Variants in AGAP1 observed in about 807,000 individuals in gnomAD.
AGAP1 encodes ArfGAP with GTPase domain, ankyrin repeat and PH domain 1.
AGAP1 carries 29 observed loss-of-function variants against 105.3 expected under a neutral mutation model. The observed-to-expected ratio is 0.28, with a 90% CI of 0.21 to 0.38. The LOEUF is 0.38. AGAP1 is among the 10% of genes least tolerant of loss of function. AGAP1 has a pLI of 1.00. For missense variants in AGAP1, 998 were observed against 1,165.1 expected, an observed-to-expected ratio of 0.86 and a Z score of 2.09; for synonymous variants, 509 against 485.9, an observed-to-expected ratio of 1.05 and a Z score of -0.63.
rs1004464060 is a variant in AGAP1 at position 235,842,279 on chromosome 2, C to T, written c.1050+34948C>T. 5.9e-5 allele frequency among the ~76,000 whole-genome samples: 9 copies of T among 152,192 alleles called. No homozygotes were observed. The highest frequency in any genetic ancestry group is 1.9e-4 in the African/African-American group (8 of 41,436). ...AATTCATTCGTATTTCCACTGACTT[C>T]GACTGAAAGTTAACGTTTCCTTCAG... On this transcript the variant is annotated intron_variant, in intron 9 of 17. Coordinates refer to ENST00000304032, the MANE Select transcript of AGAP1 (RefSeq NM_001037131.3). The surrounding 1 kb of genome is among the most constrained non-coding windows in gnomAD (Gnocchi z 5.3).
chr2:235,692,564 C>T lies in AGAP1; in HGVS notation c.164-16615C>T, dbSNP rs1306806140. On this transcript the variant is annotated intron_variant, in intron 1 of 17. Coordinates refer to ENST00000304032, the MANE Select transcript of AGAP1 (RefSeq NM_001037131.3). This position sits in a 1 kb window ranked among gnomAD's most constrained non-coding sequence, Gnocchi z 5.8. ...CGCCCTGCTGCCCCTATGCTCTCCC[C>T]CCTTGCCCTCCCCCCTTGCCTTCCT... Among the ~76,000 whole-genome samples, 1 of 150,394 alleles carries T rather than the reference C, an allele frequency of 6.6e-6. No individual in the cohort carries two copies. Among genetic ancestry groups the T allele is most frequent in the Non-Finnish European group, 1.5e-5 (1 of 67,974 alleles).
Position 236,049,286 on chromosome 2 carries a change from G to A in AGAP1, c.2114+5G>A. 6.2e-7 allele frequency: 1 copy of A among 1,606,086 alleles called. No individual in the cohort carries two copies. ...ACCATCGGTAGACTCCACAAGGTAG[G>A]AACTTTGGAAGATGCCTGGCTCCCG... On this transcript the variant is annotated splice_donor_5th_base_variant and intron_variant, in intron 16 of 17. Coordinates refer to ENST00000304032, the MANE Select transcript of AGAP1 (RefSeq NM_001037131.3).
chr2:235,779,108 A>T (rs1301568190), intron 6 of AGAP1, among the ~76,000 whole-genome samples: 2 of 152,000 alleles, frequency 1.3e-5, no homozygotes, highest in Non-Finnish European at 2.9e-5. Context: ...GGCGCTCCCC[A>T]CCCCTGTTAG....
At chr2:235,585,006 C>T (rs981979420) in intron 1 of AGAP1, among the ~76,000 whole-genome samples, 3 of 151,242 alleles carry the variant, frequency 2.0e-5, no homozygotes, top group Non-Finnish European at 2.9e-5. Flanking sequence ...CTGCTGCCCC[C>T]GGCTTCTTGA....
rs1249281005 is a variant in AGAP1, at chr2:235,843,257, C to T, written c.1050+35926C>T. On this transcript the variant is annotated intron_variant, in intron 9 of 17. Coordinates refer to ENST00000304032, the MANE Select transcript of AGAP1 (RefSeq NM_001037131.3). The surrounding 1 kb of genome is among the most constrained non-coding windows in gnomAD (Gnocchi z 5.9). ...TTCGGGAGGACCTGAGCTTCGGCTGCGGCCTTCCAGCCCCCTGGGTCTCAC... is the reference window on the plus strand; with the variant it reads ...TTCGGGAGGACCTGAGCTTCGGCTGTGGCCTTCCAGCCCCCTGGGTCTCAC... Among the ~76,000 whole-genome samples the T allele has an allele frequency of 6.6e-6, 1 of 152,126 alleles. No individual in the cohort carries two copies. Among genetic ancestry groups the T allele is most frequent in the Admixed American group, 6.5e-5 (1 of 15,278 alleles).
At position 235,494,069 on chromosome 2, in the gene AGAP1, C is replaced by A; in HGVS notation, c.-618C>A. 6.8e-6 allele frequency: 1 copy of A among 146,206 alleles called. No homozygotes were observed. The highest frequency in any genetic ancestry group is 1.8e-4 in the South Asian group (1 of 5,596). The allele number at this position is 146,206 out of a possible 1,614,324, so 9.1% of individuals were successfully genotyped here. The stretch of plus-strand genomic sequence containing the variant: ...GAGCCCTGCGTGCCAGGGAGGGGGC[C>A]GGCCGGGCAGGCGGCGGGCGGCGCT... On this transcript the variant is annotated 5_prime_UTR_variant, in exon 1 of 18. Transcript: ENST00000304032.
intron 1 of AGAP1, among the ~76,000 whole-genome samples, chr2:235,541,168 A>G (rs1413444966): frequency 6.6e-6 from 1 of 152,162 alleles, no homozygotes; most frequent in African/African-American, 2.4e-5. Context: ...TCATCAGTAC[A>G]CATAGATTTG....
rs1162568983 is a variant in AGAP1, at chr2:235,622,050, C to T, written c.164-87129C>T. Among the ~76,000 whole-genome samples the T allele has an allele frequency of 1.3e-5, 2 of 152,218 alleles. No individual in the cohort carries two copies. Among genetic ancestry groups the T allele is most frequent in the Non-Finnish European group, 2.9e-5 (2 of 68,038 alleles). The stretch of plus-strand genomic sequence containing the variant: ...AGCTTGCTACTGTCCAACCTAAGCT[C>T]ATATTCAACACTTTAGAATGCCTTA... On this transcript the variant is annotated intron_variant, in intron 1 of 17. Transcript: ENST00000304032. This position sits in a 1 kb window ranked among gnomAD's most constrained non-coding sequence, Gnocchi z 5.0.
chr2:235,730,027 G>A (rs1341727701), intron 3 of AGAP1, among the ~76,000 whole-genome samples: 1 of 152,088 alleles, frequency 6.6e-6, no homozygotes, highest in Non-Finnish European at 1.5e-5. Context: ...CTCCATGCAG[G>A]CTCATCGAAT....
intron 1 of AGAP1, among the ~76,000 whole-genome samples, chr2:235,604,972 C>G (rs1945878098): frequency 6.6e-6 from 1 of 152,160 alleles, no homozygotes; most frequent in Admixed American, 6.5e-5. Context: ...CTTCTGTCTC[C>G]CAGGTTTAAG....
chr2:235,913,345 A>G (rs922716224), intron 11 of AGAP1, among the ~76,000 whole-genome samples: 2 of 152,158 alleles, frequency 1.3e-5, no homozygotes, highest in East Asian at 1.9e-4. Flanking sequence ...TTTAGCCCCT[A>G]ATCCACCTTT....
At chr2:235,785,986 T>C (rs574020675) in intron 6 of AGAP1, among the ~76,000 whole-genome samples, 2 of 152,208 alleles carry the variant, frequency 1.3e-5, no homozygotes, top group Non-Finnish European at 2.9e-5. Flanking sequence ...CACGTGCAGA[T>C]TGAAGAATTG....
chr2:235,826,666 G>A (rs899820639), intron 9 of AGAP1, among the ~76,000 whole-genome samples: 5 of 151,956 alleles, frequency 3.3e-5, no homozygotes, highest in Non-Finnish European at 7.4e-5. Flanking sequence ...GCCAGGGTGG[G>A]CTCGAACTCC....
chr2:235,561,842 T>TTCCA, intron 1 of AGAP1, among the ~76,000 whole-genome samples: 1 of 152,298 alleles, frequency 6.6e-6, no homozygotes, highest in Non-Finnish European at 1.5e-5. Context: ...GAGCCATGAC[T>TTCCA]TCCAGTCAAG....
At chr2:235,696,279 C>T (rs2149459642) in intron 1 of AGAP1, among the ~76,000 whole-genome samples, 1 of 152,318 alleles carries the variant, frequency 6.6e-6, no homozygotes, top group South Asian at 2.1e-4. Flanking sequence ...CTCCTGACCT[C>T]GGGTGATCCA....
At chr2:235,826,762 TG>T (rs1021093180) in intron 9 of AGAP1, among the ~76,000 whole-genome samples, 3 of 152,180 alleles carry the variant, frequency 2.0e-5, no homozygotes, top group Admixed American at 6.5e-5. Flanking sequence ...TTTTTAAAAA[TG>T]TTTTTTTGCA....
intron 16 of AGAP1, among the ~76,000 whole-genome samples, chr2:236,084,301 A>T (rs1162495016): frequency 6.6e-6 from 1 of 152,170 alleles, no homozygotes; most frequent in Non-Finnish European, 1.5e-5. Context: ...ACCTGCCAGC[A>T]TATTAACATT....
Position 235,573,075 on chromosome 2 carries a change from TTTC to T in AGAP1, c.163+78232_163+78234del, listed in dbSNP as rs1375768155. ...TCTTCTTCTTCTTTCTTCTTTCTTC[TTTC>T]TTCTTTCTTCTTTCTTCTTCTTCTT... On this transcript the variant is annotated intron_variant, in intron 1 of 17. Coordinates refer to ENST00000304032, the MANE Select transcript of AGAP1 (RefSeq NM_001037131.3). Among the ~76,000 whole-genome samples, 21 of 124,244 alleles carry T rather than the reference TTTC, an allele frequency of 1.7e-4. 1 individual carries two copies. In the South Asian group the frequency reaches 5.9e-3, roughly 35 times the overall value. 81.5% of individuals were successfully genotyped at this position (124,244 alleles called of 152,430 possible).
At chr2:235,681,012 T>A (rs1408890524) in intron 1 of AGAP1, among the ~76,000 whole-genome samples, 4 of 151,622 alleles carry the variant, frequency 2.6e-5, no homozygotes, top group Non-Finnish European at 5.9e-5. Flanking sequence ...TAGCCCCCCC[T>A]CCCCCTTTTC....
Sources: allele counts gnomAD v4.1 joint callset (sites outside exome capture counted in the v4.1 genomes callset), GRCh38; gene constraint gnomAD v4.1.1; non-coding constraint Gnocchi (gnomAD v3.1); transcripts MANE v1.5; gene names NCBI Gene and HGNC (gene_info 2026-07-23, HGNC 2026-07-21).